The following SEL1L2 variants were observed in gnomAD, a reference collection of about 807,000 sequenced individuals.
The protein encoded by SEL1L2 is protein sel-1 homolog 2.
SEL1L2 carries 89 observed loss-of-function variants against 98.8 expected under a neutral mutation model. The observed-to-expected ratio is 0.90, with a 90% CI of 0.76 to 1.07. The LOEUF (loss-of-function observed/expected upper bound fraction) is 1.07. SEL1L2 is among the 50% of genes least tolerant of loss of function. The probability of loss-of-function intolerance (pLI) is 0.00; values close to 1 mark genes in which losing one functional copy is unlikely to be tolerated. For missense variants in SEL1L2, 788 were observed against 812.0 expected, an observed-to-expected ratio of 0.97 and a Z score of 0.36; for synonymous variants, 262 against 278.5, an observed-to-expected ratio of 0.94 and a Z score of 0.59.
At chr20:13,983,756 C>T (rs569251552) in intron 1 of SEL1L2, among the ~76,000 whole-genome samples, 18 of 152,028 alleles carry the variant, frequency 1.2e-4, no homozygotes, top group African/African-American at 3.9e-4. Flanking sequence ...CCCGACCTCA[C>T]GTGATCTGCC....
At chr20:13,881,741 T>C (rs184532134) in intron 10 of SEL1L2, among the ~76,000 whole-genome samples, 2 of 152,286 alleles carry the variant, frequency 1.3e-5, no homozygotes, top group Non-Finnish European at 1.5e-5. Flanking sequence ...TTTCCAGGTA[T>C]CTTGAAATTT....
intron 17 of SEL1L2, 128 bp from the exon 18 acceptor site, chr20:13,859,562 G>A: frequency 3.8e-6 from 3 of 781,274 alleles, no homozygotes; most frequent in South Asian, 4.2e-5. Context: ...AGTATAAAAA[G>A]GAACCAAAAA....
At chr20:13,894,241 TAA>T (rs1334121139) in intron 5 of SEL1L2, among the ~76,000 whole-genome samples, 1 of 152,040 alleles carries the variant, frequency 6.6e-6, no homozygotes, top group Non-Finnish European at 1.5e-5. Context: ...TCAACAAAAC[TAA>T]AAGTTAGGTT....
intron 5 of SEL1L2, among the ~76,000 whole-genome samples, chr20:13,889,937 A>C (rs932497685): frequency 2.6e-5 from 4 of 152,266 alleles, no homozygotes; most frequent in Admixed American, 1.3e-4. Context: ...AGATGATGGA[A>C]TAGGAAGCCT....
chr20:13,964,474 C>T (rs1219477982), intron 1 of SEL1L2, among the ~76,000 whole-genome samples: 2 of 117,180 alleles, frequency 1.7e-5, no homozygotes, highest in African/African-American at 3.1e-5. Context: ...TTTTCTGAGA[C>T]AGAGTTTCGC....
At chr20:13,982,410 T>C (rs1601033114) in intron 1 of SEL1L2, among the ~76,000 whole-genome samples, 1 of 141,078 alleles carries the variant, frequency 7.1e-6, no homozygotes, top group Non-Finnish European at 1.5e-5. Context: ...AGTTGGAAGG[T>C]GGAGGTGTGA....
At chr20:13,943,010 A>G (rs1248134333) in intron 2 of SEL1L2, among the ~76,000 whole-genome samples, 1 of 152,014 alleles carries the variant, frequency 6.6e-6, no homozygotes, top group African/African-American at 2.4e-5. Flanking sequence ...AACAAAGCAA[A>G]TATGTTAGAT....
At chr20:13,914,987 C>A in intron 4 of SEL1L2, 1 of 712,458 alleles carries the variant, frequency 1.4e-6, no homozygotes, top group Non-Finnish European at 2.0e-6. Flanking sequence ...TTTATTTTTA[C>A]TTTTATAACT....
intron 5 of SEL1L2, among the ~76,000 whole-genome samples, chr20:13,905,593 T>A (rs1338351385): frequency 6.6e-6 from 1 of 151,846 alleles, no homozygotes; most frequent in Non-Finnish European, 1.5e-5. Context: ...GGATTACAGG[T>A]GTAAGCCACC....
At chr20:13,986,860 T>C (rs1272650577) in intron 1 of SEL1L2, among the ~76,000 whole-genome samples, 1 of 152,166 alleles carries the variant, frequency 6.6e-6, no homozygotes, top group Non-Finnish European at 1.5e-5. Flanking sequence ...TGAGACAGAG[T>C]CTTGCTCTGT....
At chr20:13,965,779 C>T (rs770677717) in intron 1 of SEL1L2, among the ~76,000 whole-genome samples, 15 of 151,806 alleles carry the variant, frequency 9.9e-5, no homozygotes, top group Non-Finnish European at 1.3e-4. Flanking sequence ...ATGGTGAAAC[C>T]CCATCTCTAC....
chr20:13,852,852 T>G (rs575678600), intron 18 of SEL1L2, among the ~76,000 whole-genome samples: 1 of 152,322 alleles, frequency 6.6e-6, no homozygotes, highest in South Asian at 2.1e-4. Flanking sequence ...AATCTTTGGA[T>G]GTCATAAAAA....
At chr20:13,876,259 T>C in intron 11 of SEL1L2, 144 bp from the exon 12 acceptor site, 1 of 628,292 alleles carries the variant, frequency 1.6e-6, no homozygotes, top group Admixed American at 2.7e-5. Context: ...TTGTATAAAG[T>C]GGTCAATTTT....
chr20:13,891,360 C>T (rs1172455180), intron 5 of SEL1L2, among the ~76,000 whole-genome samples: 1 of 152,096 alleles, frequency 6.6e-6, no homozygotes, highest in Non-Finnish European at 1.5e-5. Flanking sequence ...ATAATATATT[C>T]AAAATGCTGA....
chr20:13,903,117 CAAA>C (rs11473702), intron 5 of SEL1L2, among the ~76,000 whole-genome samples: 1 of 123,106 alleles, frequency 8.1e-6, no homozygotes, highest in Admixed American at 8.8e-5. Flanking sequence ...GGCTCTTTCT[CAAA>C]AAAAAAAAAA....
intron 5 of SEL1L2, among the ~76,000 whole-genome samples, chr20:13,896,368 G>T (rs2047424454): frequency 6.6e-6 from 1 of 152,106 alleles, no homozygotes; most frequent in Admixed American, 6.5e-5. Context: ...TACTAGGGAG[G>T]CTGAGGCAGG....
chr20:13,921,261 C>T (rs2048655096), intron 3 of SEL1L2, among the ~76,000 whole-genome samples: 1 of 152,216 alleles, frequency 6.6e-6, no homozygotes, highest in African/African-American at 2.4e-5. Flanking sequence ...CAACCTCCAC[C>T]TCCTGGGTTC....
At chr20:13,907,525 C>A (rs150546603) in intron 5 of SEL1L2, among the ~76,000 whole-genome samples, 1 of 151,986 alleles carries the variant, frequency 6.6e-6, no homozygotes, top group East Asian at 1.9e-4. Context: ...GACATGATTG[C>A]GCCCCTGCAC....
At chr20:13,905,564 T>C (rs2047890644) in intron 5 of SEL1L2, among the ~76,000 whole-genome samples, 1 of 152,200 alleles carries the variant, frequency 6.6e-6, no homozygotes, top group South Asian at 2.1e-4. Context: ...TCCGCCCTCC[T>C]TGGCCTCCCA....
Sources: gnomAD v4.1 joint callset for allele counts (sites outside exome capture counted in the v4.1 genomes callset) on GRCh38, gnomAD v4.1.1 for gene constraint, MANE v1.5 for transcripts, NCBI Gene and HGNC (gene_info 2026-07-23, HGNC 2026-07-21) for gene names.